The following TEK variants were observed in gnomAD, a reference collection of about 807,000 sequenced individuals.
TEK encodes the protein angiopoietin-1 receptor.
In TEK, 43 loss-of-function variants were observed where a neutral mutation model predicts 131.8. The ratio of observed to expected loss-of-function variants is 0.33; its 90% CI spans 0.26 to 0.42. The LOEUF is 0.42. Ranked by LOEUF, TEK falls within the 10% of genes least tolerant of loss-of-function variation. The pLI is 1.00. For synonymous variants in TEK, 580 were observed against 491.6 expected, an observed-to-expected ratio of 1.18 and a Z score of -2.38; for missense variants, 1,162 against 1,384.4, an observed-to-expected ratio of 0.84 and a Z score of 2.55.
Position 27,158,136 on chromosome 9 carries a change from C to A in TEK, c.358C>A (p.Gln120Lys). The change falls in exon 2 of 23, where the codon CAA (glutamine) becomes AAA (lysine). Residue 120 changes from glutamine to lysine, a missense_variant. By Grantham distance (53) the Gln-to-Lys change is moderately conservative. Transcript: ENST00000380036. ...AIRIRTMKMR[Q>K]QASFLPATLT... ...CAGGATACGAACCATGAAGATGCGT[C>A]AACAAGGTAACATGCCCCTAAGTTT... 1 of 1,614,060 alleles carries A rather than the reference C, an allele frequency of 6.2e-7. No homozygotes were observed. The highest frequency in any genetic ancestry group is 1.1e-5 in the South Asian group (1 of 90,996).
In TEK at chr9:27,192,531, C is replaced by T. The variant is rs769580471; in HGVS notation, c.1532C>T (p.Thr511Ile). Reference sequence around the variant, plus strand: ...ACACTCAACTATTTGGAACCTCGGACAGAATATGAACTCTGTGTGCAACTG... The same window carrying T: ...ACACTCAACTATTTGGAACCTCGGATAGAATATGAACTCTGTGTGCAACTG... ...IVTLNYLEPR[T>I]EYELCVQLVR... Residue 511 changes from threonine (T) to isoleucine (I), a missense_variant, in exon 11 of 23, where the codon ACA becomes ATA. Thr to Ile is a moderately conservative substitution (Grantham distance 89, BLOSUM62 -1). This residue lies in a region of TEK where 477 missense variants were observed against 471.0 expected (regional missense o/e 1.01). Coordinates refer to ENST00000380036, the MANE Select transcript of TEK (RefSeq NM_000459.5). 1 of 1,613,952 alleles carries T rather than the reference C, an allele frequency of 6.2e-7. No homozygotes were observed. The highest frequency in any genetic ancestry group is 1.7e-5 in the Admixed American group (1 of 59,996).
chr9:27,111,315 G>C (rs904856937), intron 1 of TEK, among the ~76,000 whole-genome samples: 3 of 152,292 alleles, frequency 2.0e-5, no homozygotes, highest in African/African-American at 7.2e-5. Context: ...CTTGATCGTA[G>C]CTTGCATTCC....
Position 27,172,589 on chromosome 9 carries a change from C to T in TEK, c.629-27C>T, listed in dbSNP as rs376544000. The T allele has an allele frequency of 3.0e-5, 49 of 1,612,578 alleles. No individual in the cohort carries two copies. The African/African-American group carries it at 5.9e-4, about 19-fold the overall frequency. On this transcript the variant is annotated intron_variant, in intron 4 of 22. Coordinates refer to ENST00000380036, the MANE Select transcript of TEK (RefSeq NM_000459.5). ...GTGTTGAGCGAATGCGCTCTACTCA[C>T]CACAGCCTTGTTTTCCTTAACAAAA...
intron 21 of TEK, among the ~76,000 whole-genome samples, chr9:27,227,347 A>AAGAT (rs1161047890): frequency 6.6e-6 from 1 of 152,240 alleles, no homozygotes; most frequent in Non-Finnish European, 1.5e-5. Flanking sequence ...CGTGTTGTGC[A>AAGAT]AGATATAAAT....
intron 1 of TEK, among the ~76,000 whole-genome samples, chr9:27,149,806 G>A (rs1333039619): frequency 6.6e-6 from 1 of 152,124 alleles, no homozygotes; most frequent in Non-Finnish European, 1.5e-5. Context: ...GGGTAGTTGG[G>A]AACTTGGCAG....
Position 27,192,479 on chromosome 9 carries a change from C to A in TEK, c.1490-10C>A. On this transcript the variant is annotated splice_polypyrimidine_tract_variant and intron_variant, in intron 10 of 22. Coordinates refer to ENST00000380036, the MANE Select transcript of TEK (RefSeq NM_000459.5). ...CCAACTTAAGTTTCCTGGACGTTTT[C>A]TCTTCTCAGTGACAAATGAGATTGT... 1 of 1,612,984 alleles carries A rather than the reference C, an allele frequency of 6.2e-7. No homozygotes were observed. Among genetic ancestry groups the A allele is most frequent in the Non-Finnish European group, 8.5e-7 (1 of 1,179,454 alleles).
chr9:27,197,274 CA>C, intron 11 of TEK, 40 bp from the exon 12 acceptor site: 1 of 1,601,098 alleles, frequency 6.2e-7, no homozygotes. Flanking sequence ...CAAACTATAT[CA>C]GCCATATATA....
chr9:27,123,741 G>A (rs1405340995), intron 1 of TEK, among the ~76,000 whole-genome samples: 1 of 152,114 alleles, frequency 6.6e-6, no homozygotes, highest in South Asian at 2.1e-4. Context: ...TCAGCATTTT[G>A]TTCAGATTCA....
At chr9:27,192,143 A>T (rs112696632) in intron 10 of TEK, among the ~76,000 whole-genome samples, 4 of 152,236 alleles carry the variant, frequency 2.6e-5, no homozygotes, top group Non-Finnish European at 5.9e-5. Flanking sequence ...ACTTGAAAAC[A>T]GTAGCAATTA....
At chr9:27,161,264 A>G (rs761427722) in intron 2 of TEK, among the ~76,000 whole-genome samples, 3 of 152,196 alleles carry the variant, frequency 2.0e-5, no homozygotes, top group Non-Finnish European at 2.9e-5. Context: ...AATTATGCTC[A>G]CTTGAGTTTT....
chr9:27,165,782 C>G (rs1823706867), intron 2 of TEK, among the ~76,000 whole-genome samples: 1 of 152,166 alleles, frequency 6.6e-6, no homozygotes, highest in African/African-American at 2.4e-5. Flanking sequence ...ATGATCTACC[C>G]CGTGCTCTCT....
rs545705967 is a variant in TEK, at chr9:27,110,049, GA to G, written c.52+410del. Among the ~76,000 whole-genome samples, 190 of 152,038 alleles carry G rather than the reference GA, an allele frequency of 1.2e-3. 3 individuals carry two copies. The highest frequency in any genetic ancestry group is 4.4e-3 in the African/African-American group (181 of 41,486). On this transcript the variant is annotated intron_variant, in intron 1 of 22. Transcript: ENST00000380036. ...CAGTAAAAAATGAAATTCATGCTGA[GA>G]AATACAGGGGCCCAATTAAGGCAGT...
intron 1 of TEK, among the ~76,000 whole-genome samples, chr9:27,156,893 T>C (rs1823350475): frequency 6.6e-6 from 1 of 152,052 alleles, no homozygotes; most frequent in African/African-American, 2.4e-5. Flanking sequence ...CTAGAGAACA[T>C]TTTCCATCCC....
In TEK at chr9:27,208,027, C is replaced by T. The variant is rs370556106; in HGVS notation, c.2576-1094C>T. On this transcript the variant is annotated intron_variant, in intron 15 of 22. Transcript: ENST00000380036. ...TTATGAAGGCAGTTTTTATTGGGAT[C>T]TATTGTGAGCCTGATTTTCTACCTT... is the stretch of plus-strand genomic sequence containing the variant. Among the ~76,000 whole-genome samples the T allele has an allele frequency of 6.5e-4, 99 of 152,138 alleles. 1 individual carries two copies. In the South Asian group the frequency reaches 0.01, roughly 16 times the overall value.
intron 9 of TEK, among the ~76,000 whole-genome samples, chr9:27,189,879 G>T (rs772710562): frequency 2.6e-5 from 4 of 151,996 alleles, no homozygotes; most frequent in Non-Finnish European, 4.4e-5. Flanking sequence ...TATAGAGAGA[G>T]AATGAATTAT....
chr9:27,227,263 T>TCC (rs1826375005), intron 21 of TEK, among the ~76,000 whole-genome samples: 3 of 152,200 alleles, frequency 2.0e-5, no homozygotes, highest in Non-Finnish European at 4.4e-5. Flanking sequence ...ATTCTGCATT[T>TCC]TAATAACAGA....
chr9:27,151,238 T>A (rs1823116712), intron 1 of TEK, among the ~76,000 whole-genome samples: 1 of 152,162 alleles, frequency 6.6e-6, no homozygotes. Context: ...AAAAAAGGAT[T>A]AAAGTGTTGG....
At chr9:27,227,376 G>C (rs1176572361) in intron 21 of TEK, among the ~76,000 whole-genome samples, 2 of 152,194 alleles carry the variant, frequency 1.3e-5, no homozygotes, top group African/African-American at 4.8e-5. Flanking sequence ...CAAGGGGAAA[G>C]GAGTTCTGCG....
rs140120396 is a variant in TEK at position 27,150,818 on chromosome 9, T to A, written c.53-7013T>A. Among the ~76,000 whole-genome samples, 253 of 151,854 alleles carry A rather than the reference T, an allele frequency of 1.7e-3. 1 individual carries two copies. The highest frequency in any genetic ancestry group is 5.9e-3 in the African/African-American group (242 of 41,114). Reference sequence around the variant, plus strand: ...AAAAAGTTTCCTGCCAGCTGACTGATCCTCATTCTAACTAACACATGTGTT... The same window carrying A: ...AAAAAGTTTCCTGCCAGCTGACTGAACCTCATTCTAACTAACACATGTGTT... On this transcript the variant is annotated intron_variant, in intron 1 of 22. Transcript: ENST00000380036.
Sources: gnomAD v4.1 joint callset for allele counts (sites outside exome capture counted in the v4.1 genomes callset) on GRCh38, gnomAD v4.1.1 for gene constraint, gnomAD v4.1.1 regional missense constraint, MANE v1.5 for transcripts, NCBI Gene and HGNC (gene_info 2026-07-23, HGNC 2026-07-21) for gene names.